The following KCNMB2 variants were observed in gnomAD, a reference collection of about 807,000 sequenced individuals.
KCNMB2 encodes potassium calcium-activated channel subfamily M regulatory beta subunit 2, also known as calcium-activated potassium channel subunit beta-2.
A neutral mutation model predicts 24.5 loss-of-function variants in KCNMB2; 9 were observed. The observed-to-expected ratio is 0.37, with a 90% CI of 0.22 to 0.64. The LOEUF is 0.64. Among genes scored for constraint, KCNMB2 ranks in the 30% least tolerant of loss-of-function variants. The pLI is 0.63. For missense variants in KCNMB2, 226 were observed against 284.3 expected (o/e 0.79, Z 1.47); for synonymous variants, 109 against 104.4 (o/e 1.04, Z -0.27).
intron 1 of KCNMB2, among the ~76,000 whole-genome samples, chr3:178,667,734 C>G (rs1340313114): frequency 6.6e-6 from 1 of 152,108 alleles, no homozygotes; most frequent in Non-Finnish European, 1.5e-5. Context: ...TGCTGTTTAG[C>G]CTGGCAGACC....
chr3:178,827,640 C>T (rs1466465951), intron 3 of KCNMB2, among the ~76,000 whole-genome samples: 1 of 152,144 alleles, frequency 6.6e-6, no homozygotes, highest in Admixed American at 6.5e-5. Flanking sequence ...ATTAGAAAGA[C>T]CTTAAGGCAT....
At chr3:178,763,608 G>T (rs576174145) in intron 1 of KCNMB2, among the ~76,000 whole-genome samples, 1 of 152,244 alleles carries the variant, frequency 6.6e-6, no homozygotes, top group South Asian at 2.1e-4. Context: ...TTAAAATCAA[G>T]ATTTCTGAGA....
At chr3:178,805,672 G>A (rs1713937178) in intron 1 of KCNMB2, among the ~76,000 whole-genome samples, 1 of 151,764 alleles carries the variant, frequency 6.6e-6, no homozygotes, top group South Asian at 2.1e-4. Context: ...TGTCATCCAG[G>A]CTGGAGTGGT....
chr3:178,792,215 A>G (rs1410771773), intron 1 of KCNMB2, among the ~76,000 whole-genome samples: 2 of 152,242 alleles, frequency 1.3e-5, no homozygotes, highest in African/African-American at 4.8e-5. Flanking sequence ...TAAGGAATAA[A>G]TAGAAATGAC....
chr3:178,787,112 T>C (rs1252481706), intron 1 of KCNMB2, among the ~76,000 whole-genome samples: 4 of 150,540 alleles, frequency 2.7e-5, no homozygotes, highest in Non-Finnish European at 4.5e-5. Context: ...CTCTTTTCTT[T>C]GTGCCTTTCT....
chr3:178,651,405 C>T (rs1397648482), intron 1 of KCNMB2, among the ~76,000 whole-genome samples: 1 of 152,048 alleles, frequency 6.6e-6, no homozygotes, highest in East Asian at 1.9e-4. Context: ...AAGCACTGCT[C>T]AAGGAAATAA....
chr3:178,599,691 G>A (rs578128965), intron 1 of KCNMB2, among the ~76,000 whole-genome samples: 12 of 151,966 alleles, frequency 7.9e-5, no homozygotes, highest in South Asian at 6.2e-4. Context: ...TCACATTGTC[G>A]TGCAACTAAT....
At chr3:178,561,955 A>C (rs1056944760) in intron 1 of KCNMB2, among the ~76,000 whole-genome samples, 1 of 152,374 alleles carries the variant, frequency 6.6e-6, no homozygotes, top group South Asian at 2.1e-4. Flanking sequence ...GGGCTTATTT[A>C]AAATTCAGTT....
chr3:178,796,991 TTA>T (rs1485774561), intron 1 of KCNMB2, among the ~76,000 whole-genome samples: 1 of 151,908 alleles, frequency 6.6e-6, no homozygotes, highest in East Asian at 1.9e-4. Flanking sequence ...TGAAAAACCA[TTA>T]GCCAGACTAA....
intron 1 of KCNMB2, among the ~76,000 whole-genome samples, chr3:178,699,826 C>T (rs145680115): frequency 7.1e-4 from 108 of 152,374 alleles, no homozygotes; most frequent in African/African-American, 2.5e-3. Flanking sequence ...CTTGCCATCC[C>T]ACCACTTCTC....
intron 2 of KCNMB2, among the ~76,000 whole-genome samples, chr3:178,825,375 A>G (rs1714791756): frequency 6.6e-6 from 1 of 152,166 alleles, no homozygotes; most frequent in Admixed American, 6.5e-5. Context: ...ATTTCTGCTC[A>G]GGACTGGTAC....
At chr3:178,815,028 C>CT (rs140455937) in intron 2 of KCNMB2, among the ~76,000 whole-genome samples, 4 of 151,220 alleles carry the variant, frequency 2.6e-5, no homozygotes, top group African/African-American at 4.8e-5. Context: ...TGAGCACTGT[C>CT]TTTTTTTTTG....
chr3:178,814,765 C>CT (rs143719228), intron 2 of KCNMB2, among the ~76,000 whole-genome samples: 5 of 151,806 alleles, frequency 3.3e-5, no homozygotes, highest in African/African-American at 7.3e-5. Context: ...ATATATGTGT[C>CT]TTTTTTTTGA....
intron 2 of KCNMB2, chr3:178,820,776 T>C (rs1714592717): frequency 6.6e-6 from 1 of 152,364 alleles, no homozygotes; most frequent in Non-Finnish European, 1.5e-5. Context: ...GTTTACAAGA[T>C]ATTTATCACA....
intron 1 of KCNMB2, among the ~76,000 whole-genome samples, chr3:178,628,888 GT>G (rs1719213284): frequency 6.6e-6 from 1 of 152,082 alleles, no homozygotes; most frequent in African/African-American, 2.4e-5. Flanking sequence ...CACATACTTG[GT>G]TTTAAATTGC....
In KCNMB2 at chr3:178,771,036, G is replaced by A. The variant is rs148434525; in HGVS notation, c.-67-36307G>A. ...ATCTAGTCAGTTATGTTTTAGTTTT[G>A]AAGAAAATAAATACTCATTAAATTA... On this transcript the variant is annotated intron_variant, in intron 1 of 4. Coordinates refer to ENST00000452583, the MANE Select transcript of KCNMB2 (RefSeq NM_181361.3). Among the ~76,000 whole-genome samples the A allele has an allele frequency of 6.9e-3, 1,056 of 152,242 alleles. 16 individuals carry two copies. Among genetic ancestry groups the A allele is most frequent in the African/African-American group, 0.024 (990 of 41,546 alleles).
At chr3:178,626,125 G>C (rs911086692) in intron 1 of KCNMB2, among the ~76,000 whole-genome samples, 4 of 152,150 alleles carry the variant, frequency 2.6e-5, no homozygotes, top group African/African-American at 9.7e-5. Flanking sequence ...GGGACAAAAT[G>C]CTCCTGTAAA....
At chr3:178,572,177 A>T (rs1716827496) in intron 1 of KCNMB2, among the ~76,000 whole-genome samples, 1 of 152,214 alleles carries the variant, frequency 6.6e-6, no homozygotes, top group Non-Finnish European at 1.5e-5. Context: ...GTGGTTGGTC[A>T]ATGCGCATTT....
chr3:178,768,233 T>C (rs1156680211), intron 1 of KCNMB2, among the ~76,000 whole-genome samples: 1 of 152,128 alleles, frequency 6.6e-6, no homozygotes, highest in Non-Finnish European at 1.5e-5. Flanking sequence ...AAGCTCGGTT[T>C]TCCCCTGATT....
Sources: gnomAD v4.1 joint callset for allele counts (sites outside exome capture counted in the v4.1 genomes callset) on GRCh38, gnomAD v4.1.1 for gene constraint, MANE v1.5 for transcripts, NCBI Gene and HGNC (gene_info 2026-07-23, HGNC 2026-07-21) for gene names.